Variants in TP63 observed in about 807,000 individuals in gnomAD.
The protein encoded by TP63 is tumor protein 63.
TP63 carries 17 observed loss-of-function variants against 82.8 expected under a neutral mutation model. The ratio of observed to expected loss-of-function variants is 0.21; its 90% CI spans 0.14 to 0.31. TP63 has a LOEUF of 0.31. Among genes scored for constraint, TP63 ranks in the 10% least tolerant of loss-of-function variants. The pLI, the probability that TP63 is intolerant of heterozygous loss-of-function variation, is 1.00. For synonymous variants in TP63, 330 were observed against 321.7 expected, an observed-to-expected ratio of 1.03 and a Z score of -0.28; for missense variants, 648 against 895.3, an observed-to-expected ratio of 0.72 and a Z score of 3.52.
intron 1 of TP63, among the ~76,000 whole-genome samples, chr3:189,659,897 A>T (rs1002208036): frequency 6.6e-6 from 1 of 151,512 alleles, no homozygotes; most frequent in Non-Finnish European, 1.5e-5. Flanking sequence ...TTTTTAATGG[A>T]TTAGTTGGTT....
intron 1 of TP63, among the ~76,000 whole-genome samples, chr3:189,675,691 C>T (rs1167887743): frequency 6.6e-6 from 1 of 152,040 alleles, no homozygotes; most frequent in East Asian, 1.9e-4. Context: ...TACTGTGGCA[C>T]GGTTATGTCT....
chr3:189,641,845 A>T (rs1711912805), intron 1 of TP63, among the ~76,000 whole-genome samples: 1 of 152,208 alleles, frequency 6.6e-6, no homozygotes, highest in African/African-American at 2.4e-5. Flanking sequence ...GAATTATCTC[A>T]TATAACACAG....
intron 1 of TP63, among the ~76,000 whole-genome samples, chr3:189,682,567 T>A (rs1456884552): frequency 1.8e-3 from 25 of 14,194 alleles, no homozygotes; most frequent in African/African-American, 4.8e-3. Context: ...TATATATATA[T>A]ATATATATAT....
chr3:189,889,133 A>T (rs1005365620), intron 11 of TP63, among the ~76,000 whole-genome samples: 2 of 152,244 alleles, frequency 1.3e-5, no homozygotes, highest in Non-Finnish European at 2.9e-5. Flanking sequence ...AAGGTACAAA[A>T]GTCAAGAGGT....
At chr3:189,892,960 C>G (rs1420417855) in intron 13 of TP63, among the ~76,000 whole-genome samples, 1 of 152,068 alleles carries the variant, frequency 6.6e-6, no homozygotes, top group African/African-American at 2.4e-5. Flanking sequence ...TGTTGGGAAG[C>G]TGTGCAATTT....
intron 3 of TP63, among the ~76,000 whole-genome samples, chr3:189,766,704 C>A (rs1440512077): frequency 6.6e-6 from 1 of 152,100 alleles, no homozygotes; most frequent in Non-Finnish European, 1.5e-5. Flanking sequence ...AAACATAAAT[C>A]ATGTTTAAAA....
At chr3:189,876,214 G>A (rs899564156) in intron 10 of TP63, among the ~76,000 whole-genome samples, 4 of 152,148 alleles carry the variant, frequency 2.6e-5, no homozygotes, top group Non-Finnish European at 5.9e-5. Flanking sequence ...AACTTGACAA[G>A]CCAGGAGGAT....
intron 10 of TP63, among the ~76,000 whole-genome samples, chr3:189,884,211 T>C (rs1720205155): frequency 6.6e-6 from 1 of 152,184 alleles, no homozygotes; most frequent in Non-Finnish European, 1.5e-5. Context: ...TCCTATACTC[T>C]GATGTGGACT....
rs552419102 is a variant in TP63 at position 189,869,014 on chromosome 3, G to A, written c.1129+298G>A. Among the ~76,000 whole-genome samples, 272 of 151,478 alleles carry A rather than the reference G, an allele frequency of 1.8e-3. 2 individuals carry two copies. The highest frequency in any genetic ancestry group is 6.4e-3 in the African/African-American group (263 of 41,406). On this transcript the variant is annotated intron_variant, in intron 8 of 13. Coordinates refer to ENST00000264731, the MANE Select transcript of TP63 (RefSeq NM_003722.5). ...TCACAGACACACACCAGCAAGATAC[G>A]GGCTTTCCTGCAACATTACTTAAGC...
chr3:189,620,404 G>A, the TP63 span, among the ~76,000 whole-genome samples: 1 of 151,638 alleles, frequency 6.6e-6, no homozygotes, highest in Non-Finnish European at 1.5e-5. Flanking sequence ...CAGCTTCTCG[G>A]GAGGCTGAGG....
At chr3:189,692,785 C>G (rs1717042662) in intron 1 of TP63, among the ~76,000 whole-genome samples, 1 of 152,144 alleles carries the variant, frequency 6.6e-6, no homozygotes, top group African/African-American at 2.4e-5. Context: ...TCAAAAGCTG[C>G]TCACAGCTAT....
intron 4 of TP63, among the ~76,000 whole-genome samples, chr3:189,838,431 G>C (rs769088807): frequency 7.2e-5 from 11 of 152,162 alleles, no homozygotes; most frequent in Admixed American, 1.3e-4. Context: ...AGAATATTAA[G>C]TTTACAAAGA....
intron 9 of TP63, among the ~76,000 whole-genome samples, chr3:189,871,533 A>G (rs1718416861): frequency 6.6e-6 from 1 of 152,198 alleles, no homozygotes; most frequent in Non-Finnish European, 1.5e-5. Flanking sequence ...ATTCAACAAA[A>G]GGTGGAGAAC....
At chr3:189,789,761 A>G (rs1435718913) in intron 3 of TP63, 1 of 1,570,944 alleles carries the variant, frequency 6.4e-7, no homozygotes, top group Non-Finnish European at 8.6e-7. Context: ...TCCTGGAGCC[A>G]GAAGAAAGGA....
At chr3:189,670,411 A>G (rs1382989598) in intron 1 of TP63, among the ~76,000 whole-genome samples, 1 of 152,090 alleles carries the variant, frequency 6.6e-6, no homozygotes, top group Non-Finnish European at 1.5e-5. Flanking sequence ...GAGCCATAAA[A>G]TCTCTCAATG....
chr3:189,819,768 T>TTTTTC (rs1553847710), intron 4 of TP63, among the ~76,000 whole-genome samples: 3 of 120,490 alleles, frequency 2.5e-5, no homozygotes, highest in Non-Finnish European at 3.5e-5. Flanking sequence ...TTTTTTTTTT[T>TTTTTC]TGAGACAGTC....
chr3:189,773,228 G>A (rs1465997899), intron 3 of TP63, among the ~76,000 whole-genome samples: 2 of 152,168 alleles, frequency 1.3e-5, no homozygotes, highest in African/African-American at 4.8e-5. Flanking sequence ...GGCATTTACT[G>A]TATTTTTAAT....
chr3:189,622,656 A>G, the TP63 span, among the ~76,000 whole-genome samples: 2 of 152,222 alleles, frequency 1.3e-5, no homozygotes, highest in African/African-American at 4.8e-5. Context: ...CAGGCATACC[A>G]TAGGCATTTA....
intron 12 of TP63, 78 bp downstream of exon 12, chr3:189,889,562 A>G (rs1310157522): frequency 6.3e-7 from 1 of 1,588,180 alleles, no homozygotes; most frequent in Non-Finnish European, 8.6e-7. Context: ...GTTATAGTCC[A>G]TAAAACAGTT....
Sources: gnomAD v4.1 joint callset for allele counts (sites outside exome capture counted in the v4.1 genomes callset) on GRCh38, gnomAD v4.1.1 for gene constraint, MANE v1.5 for transcripts, NCBI Gene and HGNC (gene_info 2026-07-23, HGNC 2026-07-21) for gene names.